ERC1: variants seen among roughly 807,000 people sequenced by gnomAD.
ERC1 encodes ELKS/RAB6-interacting/CAST family member 1.
ERC1 carries 56 observed loss-of-function variants against 132.0 expected under a neutral mutation model. The ratio of observed to expected loss-of-function variants is 0.42; its 90% CI spans 0.34 to 0.53. The LOEUF is 0.53. Among genes scored for constraint, ERC1 ranks in the 20% least tolerant of loss-of-function variants. The probability of loss-of-function intolerance (pLI) is 0.03; values close to 1 mark genes in which losing one functional copy is unlikely to be tolerated. For synonymous variants in ERC1, 478 were observed against 476.1 expected (o/e 1.00, Z -0.05); for missense variants, 1,202 against 1,349.9 (o/e 0.89, Z 1.72).
In ERC1 at chr12:1,128,235, C is replaced by T. The variant is rs538047331; in HGVS notation, c.1569+12202C>T. On this transcript the variant is annotated intron_variant, in intron 7 of 18. Coordinates refer to ENST00000360905, the MANE Select transcript of ERC1 (RefSeq NM_178040.4). ...AATGGAGTGATCAGACCCTTAGGAA[C>T]GCTGGATAATAGAACGAGAGTATAA... Among the ~76,000 whole-genome samples, 20 of 152,042 alleles carry T rather than the reference C, an allele frequency of 1.3e-4. No homozygotes were observed. In the South Asian group the frequency reaches 4.0e-3, roughly 30 times the overall value.
chr12:1,155,876 A>G (rs950851616), intron 8 of ERC1, among the ~76,000 whole-genome samples: 1 of 152,018 alleles, frequency 6.6e-6, no homozygotes, highest in African/African-American at 2.4e-5. Flanking sequence ...AAAAAAAATA[A>G]ATAAATAAAA....
chr12:1,376,944 G>A (rs1023207564), intron 16 of ERC1, among the ~76,000 whole-genome samples: 15 of 152,158 alleles, frequency 9.9e-5, no homozygotes, highest in African/African-American at 3.1e-4. Flanking sequence ...CGTCATCCCA[G>A]CACTACTTCC....
At chr12:1,152,735 C>T (rs113484848) in intron 8 of ERC1, 2,909 of 154,814 alleles carry the variant, frequency 0.019, 94 homozygotes, top group African/African-American at 0.067. Context: ...CCATGTAGCA[C>T]GTGATGCTAG....
chr12:1,271,292 G>A (rs1157445079), intron 14 of ERC1, among the ~76,000 whole-genome samples: 3 of 152,134 alleles, frequency 2.0e-5, no homozygotes, highest in Non-Finnish European at 4.4e-5. Context: ...CAGTGACAGT[G>A]GAGATAAAGA....
intron 7 of ERC1, among the ~76,000 whole-genome samples, chr12:1,123,856 G>T (rs190125780): frequency 6.6e-6 from 1 of 152,196 alleles, no homozygotes; most frequent in East Asian, 1.9e-4. Flanking sequence ...TGAGCTGGGC[G>T]TGGTGGCACG....
rs183601584 is a variant in ERC1, at chr12:1,440,235, T to C, written c.3025-4327T>C. Among the ~76,000 whole-genome samples the C allele has an allele frequency of 4.9e-3, 713 of 145,508 alleles. 7 individuals carry two copies. The highest frequency in any genetic ancestry group is 0.016 in the African/African-American group (600 of 37,728). On this transcript the variant is annotated intron_variant, in intron 17 of 18. Transcript: ENST00000360905. ...TTTTTTTTTCCTTGAGACAGAGTCT[T>C]GCTCTGTCGCCCAGGCTGGAGTGCA...
chr12:1,347,991 A>G (rs995241373), intron 15 of ERC1, among the ~76,000 whole-genome samples: 3 of 152,190 alleles, frequency 2.0e-5, no homozygotes, highest in Non-Finnish European at 2.9e-5. Flanking sequence ...TCAAGAAAAA[A>G]AAAATTATAA....
At chr12:1,350,917 T>C (rs2084935476) in intron 15 of ERC1, among the ~76,000 whole-genome samples, 1 of 152,060 alleles carries the variant, frequency 6.6e-6, no homozygotes, top group South Asian at 2.1e-4. Flanking sequence ...CCTGGCTTTA[T>C]CACAACCCAC....
At chr12:998,026 A>G (rs866744043) in intron 1 of ERC1, among the ~76,000 whole-genome samples, 8 of 152,328 alleles carry the variant, frequency 5.3e-5, no homozygotes, top group South Asian at 4.1e-4. Context: ...CATCTTAATA[A>G]AAAACTCCAG....
chr12:1,293,143 CAAAAA>C (rs1219991623), intron 15 of ERC1, among the ~76,000 whole-genome samples: 1 of 95,204 alleles, frequency 1.1e-5, no homozygotes, highest in African/African-American at 3.9e-5. Context: ...GACTCCATCT[CAAAAA>C]AAAAAAAAAA....
chr12:1,004,614 C>A (rs1426565422), intron 1 of ERC1, among the ~76,000 whole-genome samples: 1 of 151,822 alleles, frequency 6.6e-6, no homozygotes, highest in Non-Finnish European at 1.5e-5. Flanking sequence ...ACCGTGTTGG[C>A]CAGGCTGGTC....
Position 1,490,266 on chromosome 12 carries a change from A to G in ERC1, c.*36A>G, listed in dbSNP as rs750374563. 1.3e-6 allele frequency: 2 copies of G among 1,599,340 alleles called. No individual in the cohort carries two copies. The highest frequency in any genetic ancestry group is 8.5e-7 in the Non-Finnish European group (1 of 1,170,686). ...TGGGGAAGCCTGAGGTAGTCAACCC[A>G]GGAGCCAAGAAAAGAGAACTACGAG... On this transcript the variant is annotated 3_prime_UTR_variant, in exon 19 of 19. Transcript: ENST00000360905.
intron 18 of ERC1, among the ~76,000 whole-genome samples, chr12:1,448,247 T>C (rs541865160): frequency 2.0e-5 from 3 of 152,348 alleles, no homozygotes; most frequent in East Asian, 1.9e-4. Flanking sequence ...CTTCAGTTAC[T>C]GAAGTTACTG....
rs2094323376 is a variant in ERC1, at chr12:1,492,111, T to C, written c.*1881T>C. The C allele has an allele frequency of 1.3e-5, 3 of 232,854 alleles. No homozygotes were observed. The highest frequency in any genetic ancestry group is 2.5e-5 in the Non-Finnish European group (3 of 117,874). The allele number at this position is 232,854 out of a possible 1,614,324, so 14.4% of individuals were successfully genotyped here. The stretch of plus-strand genomic sequence containing the variant: ...CCCCCTACTCCCTGCTGTGAAACAA[T>C]CCCTCTCCCTGTGAGAGGAAACTGT... On this transcript the variant is annotated 3_prime_UTR_variant, in exon 19 of 19. Transcript: ENST00000360905.
Position 1,188,642 on chromosome 12 carries a change from TAAAC to T in ERC1, c.2158-1213_2158-1210del, listed in dbSNP as rs1280839274. ...ATTTTTTTCTACACATGTGAAGCCTTAAACAAATGAACTTGGGAAAGGACTTATC... is the reference window on the plus strand; with the variant it reads ...ATTTTTTTCTACACATGTGAAGCCTTAAATGAACTTGGGAAAGGACTTATC... On this transcript the variant is annotated intron_variant, in intron 11 of 18. Coordinates refer to ENST00000360905, the MANE Select transcript of ERC1 (RefSeq NM_178040.4). Among the ~76,000 whole-genome samples, 11 of 152,328 alleles carry T rather than the reference TAAAC, an allele frequency of 7.2e-5. 1 individual carries two copies. The East Asian group carries it at 1.9e-3, about 27-fold the overall frequency.
intron 18 of ERC1, among the ~76,000 whole-genome samples, chr12:1,484,134 T>C (rs74804561): frequency 0.11 from 16,439 of 151,032 alleles, 1,137 homozygotes; most frequent in African/African-American, 0.18. Context: ...TGAAACCCCA[T>C]CTCTACTAAA....
At position 1,238,584 on chromosome 12, in the gene ERC1, G is replaced by A. The variant is rs183467293; in HGVS notation, c.2487+1680G>A. On this transcript the variant is annotated intron_variant, in intron 13 of 18. Transcript: ENST00000360905. ...TGATGAGTCTGTTTCTAGGATTTCA[G>A]TTTAACCTCCCTTCTTGAACTATGG... Among the ~76,000 whole-genome samples the A allele has an allele frequency of 1.6e-3, 251 of 152,176 alleles. 1 individual carries two copies. Among genetic ancestry groups the A allele is most frequent in the Middle Eastern group, 6.8e-3 (2 of 294 alleles).
At chr12:1,348,320 C>T (rs1452605487) in intron 15 of ERC1, among the ~76,000 whole-genome samples, 1 of 152,146 alleles carries the variant, frequency 6.6e-6, no homozygotes, top group African/African-American at 2.4e-5. Context: ...TTACTGAATT[C>T]TTTTTAGGAA....
At chr12:1,096,216 C>T (rs1944021683) in intron 3 of ERC1, among the ~76,000 whole-genome samples, 1 of 152,202 alleles carries the variant, frequency 6.6e-6, no homozygotes, top group African/African-American at 2.4e-5. Flanking sequence ...GCATGAGCCA[C>T]TGCACCCAGT....
Sources: gnomAD v4.1 joint callset for allele counts (sites outside exome capture counted in the v4.1 genomes callset) on GRCh38, gnomAD v4.1.1 for gene constraint, MANE v1.5 for transcripts, NCBI Gene and HGNC (gene_info 2026-07-23, HGNC 2026-07-21) for gene names.